Variants in MESD observed in about 807,000 individuals in gnomAD.
MESD encodes the protein mesoderm development LRP chaperone.
Under a neutral mutation model 12.9 loss-of-function variants are expected in MESD, and 7 were observed. That is an observed-to-expected ratio of 0.54 (90% CI 0.31 to 1.02). The LOEUF (loss-of-function observed/expected upper bound fraction) is 1.02, where lower values mean the gene tolerates loss of function less well. Ranked by LOEUF, MESD falls within the 50% of genes least tolerant of loss-of-function variation. The pLI is 0.05. For synonymous variants in MESD, 126 were observed against 115.6 expected (o/e 1.09, Z -0.58); for missense variants, 342 against 296.7 (o/e 1.15, Z -1.12).
At chr15:80,982,320 C>T in intron 1 of MESD, 138 bp from the exon 2 acceptor site, 1 of 670,324 alleles carries the variant, frequency 1.5e-6, no homozygotes, top group Non-Finnish European at 2.5e-6. Context: ...CAGGGGTTTT[C>T]TTCCTCTTCT....
chr15:80,980,084 C>T (rs753482848), intron 2 of MESD, among the ~76,000 whole-genome samples: 4 of 152,170 alleles, frequency 2.6e-5, no homozygotes, highest in Non-Finnish European at 5.9e-5. Context: ...GTGTGGCCAG[C>T]GGGCAAGATT....
chr15:80,989,480 TAGGGGGTC>T, intron 1 of MESD, 91 bp downstream of exon 1: 1 of 1,356,366 alleles, frequency 7.4e-7, no homozygotes, highest in Middle Eastern at 1.9e-4. Flanking sequence ...TAGAGGAGGT[TAGGGGGTC>T]AGAAAGGTCC....
chr15:80,980,396 C>G (rs1057001988), intron 2 of MESD, among the ~76,000 whole-genome samples: 33 of 152,210 alleles, frequency 2.2e-4, no homozygotes, highest in Admixed American at 2.2e-3. Flanking sequence ...GGACCATACT[C>G]AAGTGTGAAA....
chr15:80,961,939 G>A lies in MESD; in HGVS notation c.*289-9643C>T, dbSNP rs142910973. Among the ~76,000 whole-genome samples the A allele has an allele frequency of 1.0e-3, 152 of 152,280 alleles. 4 individuals carry two copies. The South Asian group carries it at 0.013, about 13-fold the overall frequency. ...ATGAAGAAACTGCATCAATTAACGG[G>A]CGAAATAACCAGCTAGCATCATCAT... On this transcript the variant is annotated intron_variant, in intron 3 of 4. Transcript: ENST00000561312.
intron 3 of MESD, among the ~76,000 whole-genome samples, chr15:80,960,696 G>T (rs1232343124): frequency 6.6e-6 from 1 of 152,142 alleles, no homozygotes; most frequent in African/African-American, 2.4e-5. Context: ...TAAAATTATT[G>T]AAACTCTAAA....
At chr15:80,982,243 A>C in intron 1 of MESD, 61 bp from the exon 2 acceptor site, 1 of 1,380,262 alleles carries the variant, frequency 7.2e-7, no homozygotes, top group Admixed American at 1.8e-5. Flanking sequence ...CAACTGGCAC[A>C]GGCAAAAACT....
chr15:80,953,964 C>T (rs1157061972), intron 3 of MESD, among the ~76,000 whole-genome samples: 1 of 152,178 alleles, frequency 6.6e-6, no homozygotes, highest in Non-Finnish European at 1.5e-5. Flanking sequence ...GCCTGCATCT[C>T]CAATCTGGTC....
At position 80,975,972 on chromosome 15, in the gene MESD, A is replaced by G. The variant is rs1011716513; in HGVS notation, c.*3247T>C. 1 of 152,186 alleles carries G rather than the reference A, an allele frequency of 6.6e-6. No individual in the cohort carries two copies. Among genetic ancestry groups the G allele is most frequent in the Non-Finnish European group, 1.5e-5 (1 of 68,030 alleles). 9.4% of individuals were successfully genotyped at this position (152,186 alleles called of 1,614,324 possible). ...AGAGTGAGACCCTGTCTCAAAAACA[A>G]AAACAAATGACATTTCTCTTAAAAA... On this transcript the variant is annotated 3_prime_UTR_variant, in exon 3 of 3. Transcript: ENST00000261758.
At position 80,989,374 on chromosome 15, in the gene MESD, G is replaced by A. The variant is rs930157006; in HGVS notation, c.213+205C>T. 9.2e-5 allele frequency among the ~76,000 whole-genome samples: 14 copies of A among 152,212 alleles called. 1 individual carries two copies. The highest frequency in any genetic ancestry group is 7.9e-4 in the Admixed American group (12 of 15,284). On this transcript the variant is annotated intron_variant, in intron 1 of 2. Transcript: ENST00000261758. ...GGAGGAACAGGGCACTGGAATGACA[G>A]AGGGCTGGAGCGAGGGTCAGCAGGG... is the stretch of plus-strand genomic sequence containing the variant.
At chr15:80,964,870 A>C (rs949116967) in intron 3 of MESD, among the ~76,000 whole-genome samples, 1 of 152,238 alleles carries the variant, frequency 6.6e-6, no homozygotes, top group Non-Finnish European at 1.5e-5. Flanking sequence ...AAACCTAGGC[A>C]ATACCATTCA....
intron 3 of MESD, among the ~76,000 whole-genome samples, chr15:80,964,369 T>A (rs1039832851): frequency 2.6e-5 from 4 of 151,982 alleles, no homozygotes; most frequent in African/African-American, 9.7e-5. Flanking sequence ...TGGATCAATA[T>A]CATGAAAAAG....
At position 80,979,387 on chromosome 15, in the gene MESD, C is replaced by T. The variant is rs758248087; in HGVS notation, c.537G>A (p.Arg179=). ...GGCCCTCCAGAGTTACATCAGCACA[C>T]CTGTCTTGACCGACCAAAAAGTCCT... ...EIKDFLVGQD[R]CADVTLEGQV... The change falls in exon 3 of 3, where the codon AGG becomes AGA. Residue 179 remains arginine (R), a synonymous_variant. Coordinates refer to ENST00000261758, the MANE Select transcript of MESD (RefSeq NM_015154.3). 9 of 1,614,230 alleles carry T rather than the reference C, an allele frequency of 5.6e-6. No individual in the cohort carries two copies. Among genetic ancestry groups the T allele is most frequent in the Non-Finnish European group, 6.8e-6 (8 of 1,180,032 alleles).
At chr15:80,965,606 T>C (rs1032634233) in intron 3 of MESD, among the ~76,000 whole-genome samples, 38 of 152,286 alleles carry the variant, frequency 2.5e-4, no homozygotes, top group Admixed American at 2.5e-3. Flanking sequence ...ATACACACCA[T>C]GGAATACTAT....
At position 80,958,151 on chromosome 15, in the gene MESD, T is replaced by C. The variant is rs375520589; in HGVS notation, c.*289-5855A>G. On this transcript the variant is annotated intron_variant, in intron 3 of 4. Transcript: ENST00000561312. ...AATATGGCATAGCAACAGCTTCAAA[T>C]AGAATATTAGTCATCATTTCCCAGA... 1.1e-4 allele frequency among the ~76,000 whole-genome samples: 17 copies of C among 152,206 alleles called. 1 individual carries two copies. In the South Asian group the frequency reaches 2.3e-3, roughly 20 times the overall value.
intron 3 of MESD, among the ~76,000 whole-genome samples, chr15:80,957,889 A>G (rs1424931240): frequency 1.7e-4 from 1 of 5,762 alleles, no homozygotes; most frequent in African/African-American, 8.3e-4. Flanking sequence ...CCCCACCCCC[A>G]TATTAGGGAG....
intron 3 of MESD, among the ~76,000 whole-genome samples, chr15:80,952,482 T>G (rs1388368201): frequency 1.3e-5 from 2 of 152,242 alleles, no homozygotes; most frequent in Non-Finnish European, 2.9e-5. Context: ...GCTCAATGGC[T>G]ATGTGTGTCT....
intron 2 of MESD, among the ~76,000 whole-genome samples, chr15:80,980,100 G>C (rs1198006873): frequency 1.3e-5 from 2 of 152,212 alleles, no homozygotes; most frequent in African/African-American, 4.8e-5. Context: ...AGATTCTTCT[G>C]TTCCTTAGGG....
At chr15:80,955,024 AG>A (rs1364363219) in intron 3 of MESD, among the ~76,000 whole-genome samples, 1 of 151,716 alleles carries the variant, frequency 6.6e-6, no homozygotes, top group East Asian at 1.9e-4. Context: ...CAGCTGGGGG[AG>A]GTGGTTCACA....
At chr15:80,973,251 T>G (rs1902330226), downstream of MESD, among the ~76,000 whole-genome samples, 1 of 152,198 alleles carries the variant, frequency 6.6e-6, no homozygotes, top group Admixed American at 6.5e-5. Context: ...ATTGCTGTGC[T>G]ATTATTTTAA....
Sources: allele counts gnomAD v4.1 joint callset (sites outside exome capture counted in the v4.1 genomes callset), GRCh38; gene constraint gnomAD v4.1.1; transcripts MANE v1.5; gene names NCBI Gene and HGNC (gene_info 2026-07-23, HGNC 2026-07-21).